FREM1: variants seen among roughly 807,000 people sequenced by gnomAD.
FREM1 encodes FRAS1-related extracellular matrix protein 1.
In FREM1, 220 loss-of-function variants were observed where a neutral mutation model predicts 210.1. The ratio of observed to expected loss-of-function variants is 1.05; its 90% CI spans 0.94 to 1.17. The LOEUF is 1.17. Ranked by LOEUF, FREM1 falls within the 50% of genes most tolerant of loss-of-function variation. The probability of loss-of-function intolerance (pLI) is 0.00; values close to 1 mark genes in which losing one functional copy is unlikely to be tolerated. For synonymous variants in FREM1, 1,189 were observed against 980.2 expected (o/e 1.21, Z -3.98); for missense variants, 3,454 against 2,675.5 (o/e 1.29, Z -6.42).
At position 14,786,412 on chromosome 9, in the gene FREM1, CA is replaced by C. The variant is rs895423145; in HGVS notation, c.4178-1779del. On this transcript the variant is annotated intron_variant, in intron 23 of 36. Transcript: ENST00000380880. The stretch of plus-strand genomic sequence containing the variant: ...TTTCTGAACTTAAAAACACAGTGGC[CA>C]AAAAAATTTTTTTAAAGATATTCAG... 3.9e-5 allele frequency among the ~76,000 whole-genome samples: 6 copies of C among 152,072 alleles called. No individual in the cohort carries two copies. The South Asian group carries it at 6.2e-4, about 16-fold the overall frequency.
chr9:14,852,188 T>G (rs1308665273), intron 5 of FREM1, among the ~76,000 whole-genome samples: 1 of 152,184 alleles, frequency 6.6e-6, no homozygotes, highest in Non-Finnish European at 1.5e-5. Context: ...TTGGTTCTCA[T>G]GCAAATGAAG....
In FREM1 at chr9:14,900,488, C is replaced by T. The variant is rs1030013353; in HGVS notation, c.-268+9426G>A. ...AGTAAGTCTCTTAGTCAGGGTGGAA[C>T]GCAGCGGTAGGACTAGGGCTGGGGA... On this transcript the variant is annotated intron_variant, in intron 1 of 36. Transcript: ENST00000380880. 1.3e-4 allele frequency among the ~76,000 whole-genome samples: 20 copies of T among 152,224 alleles called. 1 individual carries two copies. In the South Asian group the frequency reaches 3.3e-3, roughly 25 times the overall value.
At chr9:14,842,757 G>A in intron 8 of FREM1, 97 bp from the exon 9 acceptor site, 1 of 827,718 alleles carries the variant, frequency 1.2e-6, no homozygotes, top group South Asian at 1.7e-5. Flanking sequence ...GCTAAGGAAA[G>A]TGTGCAGCCC....
At chr9:14,764,022 C>T (rs926800849) in intron 27 of FREM1, among the ~76,000 whole-genome samples, 2 of 152,280 alleles carry the variant, frequency 1.3e-5, no homozygotes, top group South Asian at 2.1e-4. Context: ...ATTGCAGCTC[C>T]CATAATTCCC....
At chr9:14,870,569 C>T (rs1399571437) in intron 1 of FREM1, among the ~76,000 whole-genome samples, 2 of 152,054 alleles carry the variant, frequency 1.3e-5, no homozygotes, top group Non-Finnish European at 2.9e-5. Context: ...ATTCCTGTTA[C>T]ATAATCAGTG....
chr9:14,818,208 G>A (rs1201365102), intron 14 of FREM1, among the ~76,000 whole-genome samples: 1 of 152,240 alleles, frequency 6.6e-6, no homozygotes, highest in African/African-American at 2.4e-5. Flanking sequence ...TATTGGTACT[G>A]TTTATCCATC....
At chr9:14,835,408 G>A (rs748152688) in intron 10 of FREM1, among the ~76,000 whole-genome samples, 5 of 152,208 alleles carry the variant, frequency 3.3e-5, no homozygotes, top group Admixed American at 6.5e-5. Flanking sequence ...ACAGGACACA[G>A]TTGGAAAACT....
chr9:14,752,491 A>G (rs534944552), intron 29 of FREM1, among the ~76,000 whole-genome samples: 1 of 152,312 alleles, frequency 6.6e-6, no homozygotes, highest in South Asian at 2.1e-4. Context: ...TTCAGACTTT[A>G]CAACATAGGC....
At chr9:14,852,491 C>A (rs1416580725) in intron 5 of FREM1, among the ~76,000 whole-genome samples, 1 of 152,042 alleles carries the variant, frequency 6.6e-6, no homozygotes, top group East Asian at 1.9e-4. Flanking sequence ...AGTTTGAGAC[C>A]AGCCTAGGCA....
At chr9:14,807,889 G>T in intron 17 of FREM1, 51 bp downstream of exon 17, 4 of 1,260,596 alleles carry the variant, frequency 3.2e-6, no homozygotes, top group Non-Finnish European at 4.5e-6. Flanking sequence ...TGAACCACAG[G>T]TATGACACTA....
At chr9:14,842,290 A>T in intron 9 of FREM1, 26 bp downstream of exon 9, 1 of 1,408,614 alleles carries the variant, frequency 7.1e-7, no homozygotes, top group South Asian at 1.4e-5. Context: ...ATTCCATTCA[A>T]ATGATCTTAA....
chr9:14,875,394 A>G (rs1481979082), intron 1 of FREM1, among the ~76,000 whole-genome samples: 1 of 151,942 alleles, frequency 6.6e-6, no homozygotes, highest in African/African-American at 2.4e-5. Flanking sequence ...TTTTTTCTCT[A>G]AACTTCCCTT....
chr9:14,805,108 C>A lies in FREM1; in HGVS notation c.3319G>T (p.Val1107Leu), dbSNP rs745315314. The change falls in exon 19 of 37, where the codon GTG (valine) becomes TTG (leucine). Residue 1107 changes from valine (V) to leucine (L), a missense_variant. Transcript: ENST00000380880. Reference sequence around the variant, plus strand: ...TCTATCCTCAGATGCCTGGACTGCACATAGTTAATGTGAAAAGCGTTCATG... The same window carrying A: ...TCTATCCTCAGATGCCTGGACTGCAAATAGTTAATGTGAAAAGCGTTCATG... ...KDMNAFHINY[V>L]QSRHLRIEPT... 6.2e-7 allele frequency: 1 copy of A among 1,604,326 alleles called. No homozygotes were observed. Among genetic ancestry groups the A allele is most frequent in the Non-Finnish European group, 8.5e-7 (1 of 1,174,002 alleles).
chr9:14,768,140 A>T (rs1846789119), intron 27 of FREM1, among the ~76,000 whole-genome samples: 1 of 152,172 alleles, frequency 6.6e-6, no homozygotes, highest in African/African-American at 2.4e-5. Flanking sequence ...TCAGCCTAGC[A>T]TCATTACTGG....
intron 25 of FREM1, among the ~76,000 whole-genome samples, chr9:14,773,356 G>A (rs980244513): frequency 1.3e-5 from 2 of 152,178 alleles, no homozygotes; most frequent in East Asian, 1.9e-4. Flanking sequence ...GGTACCACCA[G>A]AAGAATAGTT....
intron 1 of FREM1, among the ~76,000 whole-genome samples, chr9:14,883,980 G>T (rs576279032): frequency 6.6e-6 from 1 of 152,182 alleles, no homozygotes; most frequent in Admixed American, 6.5e-5. Context: ...ACAAATCCTG[G>T]CGCTTTGGGA....
chr9:14,874,664 G>T (rs1446224987), intron 1 of FREM1, among the ~76,000 whole-genome samples: 34 of 151,718 alleles, frequency 2.2e-4, no homozygotes, highest in African/African-American at 7.8e-4. Flanking sequence ...TTAGTCCATT[G>T]ACATTTAAAC....
intron 1 of FREM1, among the ~76,000 whole-genome samples, chr9:14,904,658 C>G (rs1418876729): frequency 6.6e-6 from 1 of 152,200 alleles, no homozygotes; most frequent in Non-Finnish European, 1.5e-5. Flanking sequence ...TCCCTCAGTG[C>G]TGTCCAATAA....
intron 24 of FREM1, 50 bp from the exon 25 acceptor site, chr9:14,776,253 T>A: frequency 1.3e-6 from 2 of 1,496,326 alleles, no homozygotes; most frequent in Non-Finnish European, 1.8e-6. Flanking sequence ...TGTGTCACCA[T>A]CTACTGGAAT....
Sources: gnomAD v4.1 joint callset for allele counts (sites outside exome capture counted in the v4.1 genomes callset) on GRCh38, gnomAD v4.1.1 for gene constraint, MANE v1.5 for transcripts, NCBI Gene and HGNC (gene_info 2026-07-23, HGNC 2026-07-21) for gene names.